The following STX18 variants were observed in gnomAD, a reference collection of about 807,000 sequenced individuals.
The protein encoded by STX18 is syntaxin-18.
STX18 carries 40 observed loss-of-function variants against 50.1 expected under a neutral mutation model. That is an observed-to-expected ratio of 0.80 (90% CI 0.62 to 1.04). STX18 has a LOEUF of 1.04. Ranked by LOEUF, STX18 falls within the 50% of genes least tolerant of loss-of-function variation. The pLI, the probability that STX18 is intolerant of heterozygous loss-of-function variation, is 0.00. For synonymous variants in STX18, 158 were observed against 151.8 expected (o/e 1.04, Z -0.30); for missense variants, 410 against 415.8 (o/e 0.99, Z 0.12).
intron 5 of STX18, 91 bp from the exon 6 acceptor site, chr4:4,438,600 T>C: frequency 9.7e-7 from 1 of 1,030,292 alleles, no homozygotes; most frequent in South Asian, 1.5e-5. Context: ...CCCTGCGCTT[T>C]TGCTCTGTGT....
chr4:4,422,799 G>C (rs1011415175), intron 9 of STX18, among the ~76,000 whole-genome samples: 1 of 152,142 alleles, frequency 6.6e-6, no homozygotes, highest in African/African-American at 2.4e-5. Context: ...TGGCTGTGTG[G>C]TTTATGGAAA....
intron 1 of STX18, among the ~76,000 whole-genome samples, chr4:4,527,932 G>A (rs1415427017): frequency 6.6e-6 from 1 of 150,866 alleles, no homozygotes; most frequent in Non-Finnish European, 1.5e-5. Context: ...CAAGTTCTGG[G>A]CATGGGGAAG....
intron 1 of STX18, among the ~76,000 whole-genome samples, chr4:4,512,119 T>C (rs1286492353): frequency 1.3e-5 from 2 of 151,982 alleles, no homozygotes; most frequent in Non-Finnish European, 2.9e-5. Context: ...GATCAAAAGA[T>C]GGGAACGGCA....
intron 7 of STX18, among the ~76,000 whole-genome samples, chr4:4,428,806 C>T (rs558481345): frequency 1.4e-4 from 22 of 152,166 alleles, no homozygotes; most frequent in African/African-American, 4.8e-4. Context: ...AAGGTCAGCA[C>T]GACAGATGGG....
intron 1 of STX18, among the ~76,000 whole-genome samples, chr4:4,479,968 A>C (rs531782808): frequency 2.0e-5 from 3 of 152,228 alleles, no homozygotes; most frequent in Admixed American, 2.0e-4. Context: ...AACATGGATG[A>C]AAGTCCCATA....
chr4:4,526,024 T>A (rs1730734564), intron 1 of STX18, among the ~76,000 whole-genome samples: 1 of 151,808 alleles, frequency 6.6e-6, no homozygotes, highest in African/African-American at 2.4e-5. Flanking sequence ...TGAAAACTGG[T>A]GGGATGATGG....
chr4:4,434,576 C>T (rs976327544), intron 7 of STX18, among the ~76,000 whole-genome samples, 194 bp downstream of exon 7: 7 of 152,068 alleles, frequency 4.6e-5, no homozygotes, highest in Admixed American at 4.6e-4. Context: ...TATGCTACTG[C>T]AAATTTAAAG....
chr4:4,434,670 TA>T, intron 7 of STX18, 99 bp downstream of exon 7: 2 of 925,308 alleles, frequency 2.2e-6, no homozygotes, highest in Non-Finnish European at 3.2e-6. Flanking sequence ...AAACTCAGTA[TA>T]AAAATAAGGG....
At chr4:4,481,063 G>T (rs936150442) in intron 1 of STX18, among the ~76,000 whole-genome samples, 24 of 152,286 alleles carry the variant, frequency 1.6e-4, no homozygotes, top group African/African-American at 4.8e-4. Flanking sequence ...TTGTTTTTAT[G>T]TGTCACCCAC....
At chr4:4,503,279 C>A (rs967626241) in intron 1 of STX18, among the ~76,000 whole-genome samples, 1 of 152,082 alleles carries the variant, frequency 6.6e-6, no homozygotes, top group Non-Finnish European at 1.5e-5. Flanking sequence ...GATATTAAAC[C>A]TTGTCAGATT....
intron 1 of STX18, among the ~76,000 whole-genome samples, chr4:4,511,790 A>G (rs191167862): frequency 6.7e-6 from 1 of 150,210 alleles, no homozygotes; most frequent in East Asian, 2.0e-4. Context: ...CCTCTTAAGC[A>G]TAAACTAATT....
intron 1 of STX18, among the ~76,000 whole-genome samples, chr4:4,489,448 C>T (rs1728847297): frequency 9.8e-6 from 1 of 101,576 alleles, no homozygotes; most frequent in Non-Finnish European, 1.8e-5. Context: ...CGAGGTCTTG[C>T]CATGTTGCCC....
Position 4,459,402 on chromosome 4 carries a change from A to T in STX18, c.322T>A (p.Ser108Thr), listed in dbSNP as rs1361936298. The part of the protein sequence containing the change: ...QDAQIFMRTC[S>T]EAIQQLRTEA... ...GTTCGTAGTTGCTGAATTGCTTCTGAACAGGTCCTCATGAATATCTGGGCA... is the reference window on the plus strand; with the variant it reads ...GTTCGTAGTTGCTGAATTGCTTCTGTACAGGTCCTCATGAATATCTGGGCA... The change falls in exon 3 of 11, where the codon TCA (serine) becomes ACA (threonine). Residue 108 changes from serine (S) to threonine (T), a missense_variant. Ser to Thr is a moderately conservative substitution (Grantham distance 58). Transcript: ENST00000306200. The T allele has an allele frequency of 6.2e-7, 1 of 1,614,100 alleles. No homozygotes were observed. Among genetic ancestry groups the T allele is most frequent in the South Asian group, 1.1e-5 (1 of 91,078 alleles).
chr4:4,432,680 A>T (rs1256174379), intron 7 of STX18, among the ~76,000 whole-genome samples: 2 of 152,030 alleles, frequency 1.3e-5, no homozygotes, highest in East Asian at 1.9e-4. Flanking sequence ...CTGCGTGTGG[A>T]CTCCAGTCAG....
At chr4:4,503,009 G>C (rs1182346913) in intron 1 of STX18, among the ~76,000 whole-genome samples, 1 of 152,122 alleles carries the variant, frequency 6.6e-6, no homozygotes, top group African/African-American at 2.4e-5. Context: ...TCTAATGACT[G>C]GACAACAGAG....
At chr4:4,476,522 T>G (rs1344819530) in intron 1 of STX18, among the ~76,000 whole-genome samples, 1 of 152,172 alleles carries the variant, frequency 6.6e-6, no homozygotes, top group Non-Finnish European at 1.5e-5. Flanking sequence ...TATGTTGGTG[T>G]TTTTTAGTTT....
At chr4:4,432,751 T>C (rs928489165) in intron 7 of STX18, among the ~76,000 whole-genome samples, 1 of 152,246 alleles carries the variant, frequency 6.6e-6, no homozygotes, top group Non-Finnish European at 1.5e-5. Flanking sequence ...CACTTGTCCA[T>C]GCCATTTTTA....
At chr4:4,516,434 A>G (rs1730271245) in intron 1 of STX18, among the ~76,000 whole-genome samples, 1 of 152,206 alleles carries the variant, frequency 6.6e-6, no homozygotes, top group South Asian at 2.1e-4. Flanking sequence ...CATCTCGTAC[A>G]TATTTTCTGA....
chr4:4,490,322 A>G (rs559337106), intron 1 of STX18, among the ~76,000 whole-genome samples: 4 of 152,316 alleles, frequency 2.6e-5, no homozygotes, highest in African/African-American at 9.6e-5. Flanking sequence ...CTAAACTTAC[A>G]GTATTACTCT....
Sources: allele counts gnomAD v4.1 joint callset (sites outside exome capture counted in the v4.1 genomes callset), GRCh38; gene constraint gnomAD v4.1.1; transcripts MANE v1.5; gene names NCBI Gene and HGNC (gene_info 2026-07-23, HGNC 2026-07-21).